Variants in MSL2 observed in about 807,000 individuals in gnomAD.
MSL2 encodes the protein MSL complex subunit 2.
A neutral mutation model predicts 35.8 loss-of-function variants in MSL2; 2 were observed. That is an observed-to-expected ratio of 0.06 (90% CI 0.02 to 0.18). The LOEUF is 0.18. MSL2 is among the 10% of genes least tolerant of loss of function. The pLI is 1.00. For missense variants in MSL2, 523 were observed against 706.7 expected (o/e 0.74, Z 2.95); for synonymous variants, 296 against 255.7 (o/e 1.16, Z -1.50).
intron 1 of MSL2, among the ~76,000 whole-genome samples, chr3:136,192,637 A>T (rs1432266761): frequency 6.6e-6 from 1 of 152,202 alleles, no homozygotes; most frequent in Non-Finnish European, 1.5e-5. Context: ...CAAAAATATC[A>T]ATCCAGTTAA....
chr3:136,191,239 C>A (rs1940681270), intron 1 of MSL2, among the ~76,000 whole-genome samples: 2 of 152,028 alleles, frequency 1.3e-5, no homozygotes, highest in Non-Finnish European at 2.9e-5. Context: ...AAGGCCAAGG[C>A]GGGCGGATCA....
intron 1 of MSL2, among the ~76,000 whole-genome samples, chr3:136,159,701 C>G (rs545039778): frequency 6.6e-6 from 1 of 152,042 alleles, no homozygotes; most frequent in Non-Finnish European, 1.5e-5. Flanking sequence ...CCATGTGAAA[C>G]AATTTGATAT....
intron 1 of MSL2, among the ~76,000 whole-genome samples, chr3:136,175,299 G>A (rs1208745489): frequency 6.6e-5 from 10 of 150,718 alleles, no homozygotes; most frequent in Non-Finnish European, 1.2e-4. Flanking sequence ...AGCCGAGATC[G>A]CGCCACTGCA....
At chr3:136,189,568 C>CA (rs1265734084) in intron 1 of MSL2, among the ~76,000 whole-genome samples, 50 of 150,328 alleles carry the variant, frequency 3.3e-4, no homozygotes, top group African/African-American at 1.1e-3. Flanking sequence ...ACTAAAAACA[C>CA]AAAAAATTAG....
At chr3:136,190,576 C>T (rs141764348) in intron 1 of MSL2, among the ~76,000 whole-genome samples, 3 of 152,026 alleles carry the variant, frequency 2.0e-5, no homozygotes, top group Non-Finnish European at 4.4e-5. Flanking sequence ...TTCATGTTCC[C>T]GAGTTTGACC....
At position 136,151,249 on chromosome 3, in the gene MSL2, A is replaced by G; in HGVS notation, c.1632T>C (p.Ser544=). 1 of 1,614,218 alleles carries G rather than the reference A, an allele frequency of 6.2e-7. No individual in the cohort carries two copies. The highest frequency in any genetic ancestry group is 1.3e-5 in the African/African-American group (1 of 75,066). The change falls in exon 2 of 2, where the codon AGT becomes AGC. Residue 544 remains serine (S), a synonymous_variant. Coordinates refer to ENST00000309993, the MANE Select transcript of MSL2 (RefSeq NM_018133.4). This position sits in a 1 kb window ranked among gnomAD's most constrained non-coding sequence, Gnocchi z 5.2. ...CTGGGGACCCTGTGACATTTATTAC[A>G]CTGGTGCTGGTACTAGCGTTACGCA... The part of the protein sequence containing the change: ...IAVRNASTST[S]VINVTGSPVT...
At chr3:136,165,361 T>G (rs1939816090) in intron 1 of MSL2, among the ~76,000 whole-genome samples, 1 of 152,186 alleles carries the variant, frequency 6.6e-6, no homozygotes, top group Admixed American at 6.5e-5. Context: ...CCTAAAAATA[T>G]TCATTTTTGT....
intron 1 of MSL2, among the ~76,000 whole-genome samples, chr3:136,166,340 A>G (rs1223354916): frequency 1.3e-5 from 2 of 151,980 alleles, no homozygotes; most frequent in Non-Finnish European, 2.9e-5. Context: ...GTGAGACAAG[A>G]TCGCACCACT....
In MSL2 at chr3:136,151,741, A is replaced by G. The variant is rs1423116404; in HGVS notation, c.1140T>C (p.Ile380=). 6.2e-7 allele frequency: 1 copy of G among 1,614,136 alleles called. No individual in the cohort carries two copies. Among genetic ancestry groups the G allele is most frequent in the South Asian group, 1.1e-5 (1 of 91,076 alleles). ...GAACAGTTGCTATAGGTTGAAGAGA[A>G]ATTTTGCTCTCCCGTTTCACTGTCA... ...APVTVKRESK[I]SLQPIATVPN... The change falls in exon 2 of 2, where the codon ATT becomes ATC. Residue 380 remains isoleucine, a synonymous_variant. Transcript: ENST00000309993. The surrounding 1 kb of genome is among the most constrained non-coding windows in gnomAD (Gnocchi z 5.2).
intron 1 of MSL2, among the ~76,000 whole-genome samples, chr3:136,160,657 C>A (rs1231236996): frequency 3.3e-5 from 5 of 151,112 alleles, no homozygotes; most frequent in Non-Finnish European, 7.4e-5. Context: ...TGCAGCGAGC[C>A]GAGACCATGC....
chr3:136,180,787 AGGGAGGGAGGGAGGGAGGGAG>A lies in MSL2; in HGVS notation c.142+14164_142+14184del, dbSNP rs1940324712. Reference sequence around the variant, plus strand: ...GAGGGAGGGAGGGAGGGAGGGAGGGAGGGAGGGAGGGAGGGAGGGAGGGAAGGAGGGAAGGAAGGAAGGAAG... The same window carrying A: ...GAGGGAGGGAGGGAGGGAGGGAGGGAGGAAGGAGGGAAGGAAGGAAGGAAG... On this transcript the variant is annotated intron_variant, in intron 1 of 1. Coordinates refer to ENST00000309993, the MANE Select transcript of MSL2 (RefSeq NM_018133.4). Among the ~76,000 whole-genome samples the A allele has an allele frequency of 3.3e-5, 2 of 61,134 alleles. 1 individual carries two copies. The highest frequency in any genetic ancestry group is 1.4e-4 in the African/African-American group (2 of 13,798). The allele number at this position is 61,134 out of a possible 152,430, so 40.1% of individuals were successfully genotyped here.
At chr3:136,174,261 T>C (rs1367213045) in intron 1 of MSL2, among the ~76,000 whole-genome samples, 1 of 152,220 alleles carries the variant, frequency 6.6e-6, no homozygotes, top group East Asian at 1.9e-4. Flanking sequence ...TAATCACTTG[T>C]TCTGTGACCT....
At chr3:136,158,835 A>C (rs1939609600) in intron 1 of MSL2, among the ~76,000 whole-genome samples, 1 of 152,340 alleles carries the variant, frequency 6.6e-6, no homozygotes, top group South Asian at 2.1e-4. Flanking sequence ...GAATGAACAA[A>C]CTAATTTTTT....
chr3:136,149,266 GCAGTGAT>G lies in MSL2; in HGVS notation c.*1874_*1880del, dbSNP rs1474987834. Reference sequence around the variant, plus strand: ...TACAATCTCATTTCTAATCATTTTTGCAGTGATCATTAGTGAATAAAGAACAGATTTA... The same window carrying G: ...TACAATCTCATTTCTAATCATTTTTGCATTAGTGAATAAAGAACAGATTTA... On this transcript the variant is annotated 3_prime_UTR_variant, in exon 2 of 2. Transcript: ENST00000309993. 2 of 152,386 alleles carry G rather than the reference GCAGTGAT, an allele frequency of 1.3e-5. No homozygotes were observed. The highest frequency in any genetic ancestry group is 2.9e-5 in the Non-Finnish European group (2 of 67,994). 9.4% of individuals were successfully genotyped at this position (152,386 alleles called of 1,614,324 possible).
chr3:136,169,967 T>C (rs1409226401), intron 1 of MSL2, among the ~76,000 whole-genome samples: 1 of 151,194 alleles, frequency 6.6e-6, no homozygotes, highest in East Asian at 2.0e-4. Context: ...GCACAAATCA[T>C]TTGAGCCCAG....
At chr3:136,189,209 A>T (rs1437583848) in intron 1 of MSL2, among the ~76,000 whole-genome samples, 4 of 146,386 alleles carry the variant, frequency 2.7e-5, no homozygotes, top group Non-Finnish European at 6.0e-5. Flanking sequence ...CTGAGGTGGG[A>T]GGACAGCTTA....
intron 1 of MSL2, among the ~76,000 whole-genome samples, chr3:136,170,955 T>C (rs1940007812): frequency 6.6e-6 from 1 of 152,200 alleles, no homozygotes; most frequent in Non-Finnish European, 1.5e-5. Flanking sequence ...GCCAATTATA[T>C]GCCAAGATTT....
intron 1 of MSL2, among the ~76,000 whole-genome samples, chr3:136,172,580 T>A (rs980488363): frequency 6.6e-6 from 1 of 152,170 alleles, no homozygotes; most frequent in African/African-American, 2.4e-5. Flanking sequence ...GCTCTCCTCC[T>A]TTCTCCCCTA....
At chr3:136,170,652 G>A (rs1400077049) in intron 1 of MSL2, among the ~76,000 whole-genome samples, 5 of 151,386 alleles carry the variant, frequency 3.3e-5, no homozygotes. Context: ...GGGACTACAG[G>A]CGTGCGTCAC....
Sources: gnomAD v4.1 joint callset for allele counts (sites outside exome capture counted in the v4.1 genomes callset) on GRCh38, gnomAD v4.1.1 for gene constraint, Gnocchi (gnomAD v3.1) non-coding constraint, MANE v1.5 for transcripts, NCBI Gene and HGNC (gene_info 2026-07-23, HGNC 2026-07-21) for gene names.